PRH1: variants seen among roughly 807,000 people sequenced by gnomAD.
The protein encoded by PRH1 is proline rich protein HaeIII subfamily 1.
In PRH1, 7 loss-of-function variants were observed where a neutral mutation model predicts 7.9. The ratio of observed to expected loss-of-function variants is 0.89; its 90% CI spans 0.50 to 1.67. PRH1 has a LOEUF of 1.67. PRH1 is among the 40% of genes most tolerant of loss of function. PRH1 has a pLI of 0.00. For missense variants in PRH1, 109 were observed against 223.6 expected, an observed-to-expected ratio of 0.49 and a Z score of 3.27; for synonymous variants, 45 against 80.8, an observed-to-expected ratio of 0.56 and a Z score of 2.38.
chr12:11,018,427 A>C (rs1591818608), intron 1 of PRH1, among the ~76,000 whole-genome samples: 1 of 152,344 alleles, frequency 6.6e-6, no homozygotes, highest in East Asian at 1.9e-4. Flanking sequence ...GCTTCCTCAG[A>C]TTCCCTTGAC....
rs1950232806 is a variant in PRH1 at position 10,932,794 on chromosome 12, G to A, written c.-59+40861C>T. ...AAACCTGAATGGATTTCATCAAGGC[G>A]GCAGCATAATTTGAAGGGCAATTGC... On this transcript the variant is annotated intron_variant, in intron 2 of 3. Transcript: ENST00000539853. 2.0e-5 allele frequency among the ~76,000 whole-genome samples: 3 copies of A among 151,976 alleles called. No homozygotes were observed. In the South Asian group the frequency reaches 6.2e-4, roughly 32 times the overall value.
intron 1 of PRH1, among the ~76,000 whole-genome samples, chr12:11,045,053 C>T (rs951039373): frequency 6.6e-6 from 1 of 152,084 alleles, no homozygotes; most frequent in Non-Finnish European, 1.5e-5. Context: ...TTGGAAGCAA[C>T]CTGAGTGTCC....
In PRH1 at chr12:10,986,111, C is replaced by T. The variant is rs773343484; in HGVS notation, c.-125-12390G>A. On this transcript the variant is annotated intron_variant, in intron 1 of 3. Transcript: ENST00000539853. Reference sequence around the variant, plus strand: ...GGTCATTCCGCAGCCTCCTAGGACTCCAAACCGAAACGATTAGGAATAGAA... The same window carrying T: ...GGTCATTCCGCAGCCTCCTAGGACTTCAAACCGAAACGATTAGGAATAGAA... 8 of 1,614,008 alleles carry T rather than the reference C, an allele frequency of 5.0e-6. No homozygotes were observed. The East Asian group carries it at 8.9e-5, about 18-fold the overall frequency.
At chr12:10,900,213 C>A (rs1310654102) in intron 2 of PRH1, among the ~76,000 whole-genome samples, 2 of 152,146 alleles carry the variant, frequency 1.3e-5, no homozygotes, top group Middle Eastern at 3.2e-3. Flanking sequence ...CTGTGACTCA[C>A]CTTTCCACTG....
At chr12:11,022,966 A>C (rs1448142635) in intron 1 of PRH1, among the ~76,000 whole-genome samples, 1 of 152,184 alleles carries the variant, frequency 6.6e-6, no homozygotes, top group Non-Finnish European at 1.5e-5. Flanking sequence ...TGTATACAGC[A>C]TCTTCAGTTG....
chr12:11,056,219 T>C (rs1456911572), intron 1 of PRH1, among the ~76,000 whole-genome samples: 1 of 152,280 alleles, frequency 6.6e-6, no homozygotes, highest in Non-Finnish European at 1.5e-5. Context: ...TACTCAGCAA[T>C]TTTATAACTA....
At chr12:11,039,908 C>G (rs66739833) in intron 1 of PRH1, among the ~76,000 whole-genome samples, 31,966 of 107,914 alleles carry the variant, frequency 0.3, 3,961 homozygotes, top group Non-Finnish European at 0.38. Context: ...AAATTAATTA[C>G]AGGGACATCA....
At position 11,086,791 on chromosome 12, in the gene PRH1, A is replaced by C. The variant is rs1337047885; in HGVS notation, n.124-39603T>G. 6.1e-5 allele frequency among the ~76,000 whole-genome samples: 7 copies of C among 114,096 alleles called. 3 individuals carry two copies. Among genetic ancestry groups the C allele is most frequent in the Non-Finnish European group, 1.4e-4 (7 of 48,462 alleles). The allele number at this position is 114,096 out of a possible 152,430, so 74.9% of individuals were successfully genotyped here. A position where few individuals can be genotyped will look rare whatever the true frequency, so the allele number is the denominator to read the frequency against. ...TAGCCAGGTGTGGTGGCACATGCAT[A>C]AAATCCCAGCTACTCAGGTGGCTGT... On this transcript the variant is annotated intron_variant and non_coding_transcript_variant, in intron 1 of 4. Transcript: ENST00000541977.
chr12:11,091,413 A>C lies in PRH1; in HGVS notation n.124-44225T>G, dbSNP rs376397585. On this transcript the variant is annotated intron_variant and non_coding_transcript_variant, in intron 1 of 4. Transcript: ENST00000541977. ...CAAATCAGGATGAATGGGTGGATTG[A>C]AGGATAGCTGAATCTAATAGCTTTG... 8 of 1,248,482 alleles carry C rather than the reference A, an allele frequency of 6.4e-6. 1 individual carries two copies. The highest frequency in any genetic ancestry group is 6.3e-5 in the African/African-American group (4 of 63,924). The allele number at this position is 1,248,482 out of a possible 1,614,324, so 77.3% of individuals were successfully genotyped here. A position where few individuals can be genotyped will look rare whatever the true frequency, so the allele number is the denominator to read the frequency against.
At chr12:10,998,459 C>G (rs946702204) in intron 1 of PRH1, among the ~76,000 whole-genome samples, 5 of 152,022 alleles carry the variant, frequency 3.3e-5, no homozygotes, top group African/African-American at 1.2e-4. Context: ...CACAGGAAAG[C>G]CAATACTCCT....
chr12:10,999,565 G>T (rs1390697711), intron 1 of PRH1, among the ~76,000 whole-genome samples: 1 of 152,000 alleles, frequency 6.6e-6, no homozygotes, highest in Non-Finnish European at 1.5e-5. Flanking sequence ...ACAAAAATAG[G>T]TAAGAGCAAT....
chr12:11,008,624 C>T (rs1285587117), intron 1 of PRH1, among the ~76,000 whole-genome samples: 1 of 152,146 alleles, frequency 6.6e-6, no homozygotes, highest in African/African-American at 2.4e-5. Context: ...TGTATAGGTG[C>T]AATCCTATAT....
intron 1 of PRH1, among the ~76,000 whole-genome samples, chr12:11,152,122 T>C (rs976737548): frequency 6.6e-6 from 1 of 151,914 alleles, no homozygotes; most frequent in Non-Finnish European, 1.5e-5. Flanking sequence ...AGGGTACATG[T>C]GCACAACGTA....
intron 1 of PRH1, among the ~76,000 whole-genome samples, chr12:11,115,702 T>C (rs1468828594): frequency 6.6e-6 from 1 of 152,080 alleles, no homozygotes; most frequent in South Asian, 2.1e-4. Context: ...GCATCAACTC[T>C]GACCACAATG....
At chr12:11,103,017 G>A (rs577405183) in intron 1 of PRH1, among the ~76,000 whole-genome samples, 67 of 152,232 alleles carry the variant, frequency 4.4e-4, no homozygotes, top group African/African-American at 1.6e-3. Context: ...AGTTAGAATG[G>A]CAATCATTAA....
At chr12:11,012,598 T>C (rs1235745165) in intron 1 of PRH1, among the ~76,000 whole-genome samples, 2 of 152,148 alleles carry the variant, frequency 1.3e-5, no homozygotes, top group African/African-American at 4.8e-5. Context: ...AGGATGTTGC[T>C]CTGTCGCCTA....
chr12:10,938,850 G>A (rs764807523), intron 2 of PRH1: 1 of 1,613,602 alleles, frequency 6.2e-7, no homozygotes, highest in Admixed American at 1.7e-5. Flanking sequence ...TTTAGGTAGA[G>A]AAAAATAGAG....
intron 2 of PRH1, among the ~76,000 whole-genome samples, chr12:10,899,344 C>G (rs895723377): frequency 2.1e-4 from 32 of 152,080 alleles, no homozygotes; most frequent in Non-Finnish European, 4.3e-4. Flanking sequence ...ATGGTTTGTA[C>G]ACGGTTTGTT....
At chr12:11,050,993 T>C (rs996804759), upstream of PRH1, among the ~76,000 whole-genome samples, 7 of 152,262 alleles carry the variant, frequency 4.6e-5, no homozygotes, top group African/African-American at 4.8e-5. Flanking sequence ...CCATCTCCAA[T>C]CACCACAGCC....
Sources: gnomAD v4.1 joint callset for allele counts (sites outside exome capture counted in the v4.1 genomes callset) on GRCh38, gnomAD v4.1.1 for gene constraint, MANE v1.5 for transcripts, NCBI Gene and HGNC (gene_info 2026-07-23, HGNC 2026-07-21) for gene names.